The following FRMD3 variants were observed in gnomAD, a reference collection of about 807,000 sequenced individuals.
FRMD3 encodes FERM domain containing 3, also known as FERM domain-containing protein 3.
Under a neutral mutation model 70.2 loss-of-function variants are expected in FRMD3, and 33 were observed. The ratio of observed to expected loss-of-function variants is 0.47; its 90% CI spans 0.36 to 0.63. The LOEUF (loss-of-function observed/expected upper bound fraction) is 0.63. Ranked by LOEUF, FRMD3 falls within the 20% of genes least tolerant of loss-of-function variation. The pLI, the probability that FRMD3 is intolerant of heterozygous loss-of-function variation, is 0.00. For missense variants in FRMD3, 632 were observed against 711.4 expected (o/e 0.89, Z 1.27); for synonymous variants, 279 against 255.9 (o/e 1.09, Z -0.86).
chr9:83,446,291 C>T (rs1204505889), intron 1 of FRMD3, among the ~76,000 whole-genome samples: 1 of 152,224 alleles, frequency 6.6e-6, no homozygotes, highest in Non-Finnish European at 1.5e-5. Context: ...TCATACCACA[C>T]AGTCTGCCTT....
In FRMD3 at chr9:83,245,708, TAGTC is replaced by T; in HGVS notation, c.*2206_*2209del. On this transcript the variant is annotated 3_prime_UTR_variant, in exon 14 of 14. Coordinates refer to ENST00000304195, the MANE Select transcript of FRMD3 (RefSeq NM_174938.6). ...AGACTGAGGGCCAGATGATTTGTCATAGTCAGAACTTTAGAGAAAATTATATGAC... is the reference window on the plus strand; with the variant it reads ...AGACTGAGGGCCAGATGATTTGTCATAGAACTTTAGAGAAAATTATATGAC... 1 of 981,850 alleles carries T rather than the reference TAGTC, an allele frequency of 1.0e-6. No homozygotes were observed. Among genetic ancestry groups the T allele is most frequent in the East Asian group, 1.1e-4 (1 of 8,800 alleles). The allele number at this position is 981,850 out of a possible 1,614,324, so 60.8% of individuals were successfully genotyped here.
intron 1 of FRMD3, among the ~76,000 whole-genome samples, chr9:83,479,299 A>AAGAAGAAGG (rs1398527317): frequency 2.3e-3 from 338 of 147,414 alleles, no homozygotes; most frequent in African/African-American, 7.7e-3. Flanking sequence ...GAAGAAGAAG[A>AAGAAGAAGG]AGAAGGAGAA....
intron 3 of FRMD3, among the ~76,000 whole-genome samples, chr9:83,356,577 G>A (rs563768781): frequency 6.6e-6 from 1 of 151,476 alleles, no homozygotes; most frequent in African/African-American, 2.4e-5. Flanking sequence ...CGCCCGGCCA[G>A]CAGCTTTTTT....
At chr9:83,516,193 G>A (rs1043310853) in intron 1 of FRMD3, among the ~76,000 whole-genome samples, 2 of 151,788 alleles carry the variant, frequency 1.3e-5, no homozygotes, top group South Asian at 2.1e-4. Flanking sequence ...ATAGAGTCAC[G>A]ACCCATCAGT....
chr9:83,357,180 T>TTA (rs1294839697), intron 3 of FRMD3, among the ~76,000 whole-genome samples: 1 of 117,496 alleles, frequency 8.5e-6, no homozygotes, highest in Non-Finnish European at 1.8e-5. Context: ...ATATATTACA[T>TTA]TATATATATT....
At chr9:83,280,183 T>C (rs1833924611) in intron 13 of FRMD3, among the ~76,000 whole-genome samples, 1 of 152,178 alleles carries the variant, frequency 6.6e-6, no homozygotes, top group South Asian at 2.1e-4. Context: ...ATCTAGGTCA[T>C]ATCAATGTCC....
chr9:83,323,624 G>A (rs913514666), intron 6 of FRMD3, among the ~76,000 whole-genome samples: 20 of 152,236 alleles, frequency 1.3e-4, no homozygotes, highest in Non-Finnish European at 2.8e-4. Context: ...CTCACCAGAT[G>A]CAGTCCCCAG....
chr9:83,500,500 G>GCACA (rs377538475), intron 1 of FRMD3, among the ~76,000 whole-genome samples: 3,986 of 136,648 alleles, frequency 0.029, 107 homozygotes, highest in Middle Eastern at 0.054. Context: ...GCGTGTATGC[G>GCACA]CGCACACACA....
chr9:83,577,807 T>C, the FRMD3 span, among the ~76,000 whole-genome samples: 8 of 151,506 alleles, frequency 5.3e-5, no homozygotes, highest in African/African-American at 1.9e-4. Context: ...TGAGTCCAAA[T>C]TGGGCTGAAG....
intron 1 of FRMD3, among the ~76,000 whole-genome samples, chr9:83,492,032 A>G (rs541768825): frequency 6.6e-6 from 1 of 152,312 alleles, no homozygotes; most frequent in East Asian, 1.9e-4. Flanking sequence ...TAAAATATAC[A>G]ATCTAATTTT....
chr9:83,502,878 G>A (rs532086838), intron 1 of FRMD3, among the ~76,000 whole-genome samples: 7 of 152,266 alleles, frequency 4.6e-5, no homozygotes, highest in African/African-American at 1.7e-4. Context: ...GGGTTCCAGT[G>A]CACCATGTGG....
At chr9:83,253,725 G>C (rs1461529382) in intron 13 of FRMD3, among the ~76,000 whole-genome samples, 1 of 152,166 alleles carries the variant, frequency 6.6e-6, no homozygotes, top group South Asian at 2.1e-4. Flanking sequence ...CAAGGATCTA[G>C]AACTAGAAAT....
chr9:83,432,906 G>C (rs1210276642), intron 1 of FRMD3, among the ~76,000 whole-genome samples: 1 of 152,102 alleles, frequency 6.6e-6, no homozygotes, highest in East Asian at 1.9e-4. Flanking sequence ...CCCTCCTTCT[G>C]AGTCTCCAAT....
At chr9:83,506,675 C>T (rs1320529767) in intron 1 of FRMD3, among the ~76,000 whole-genome samples, 2 of 152,174 alleles carry the variant, frequency 1.3e-5, no homozygotes, top group Admixed American at 6.5e-5. Flanking sequence ...ACTTTATAAA[C>T]ACTGTACACT....
At chr9:83,535,195 G>A (rs796996779) in intron 1 of FRMD3, among the ~76,000 whole-genome samples, 3 of 152,296 alleles carry the variant, frequency 2.0e-5, no homozygotes, top group African/African-American at 7.2e-5. Context: ...GAGTGGAAAA[G>A]GCTGGCTCAT....
intron 1 of FRMD3, among the ~76,000 whole-genome samples, chr9:83,511,793 C>T (rs1276633185): frequency 1.3e-5 from 2 of 152,222 alleles, no homozygotes. Context: ...GATGAACCCA[C>T]TCCCAGGACC....
At chr9:83,320,191 T>C (rs1330842450) in intron 6 of FRMD3, among the ~76,000 whole-genome samples, 1 of 152,222 alleles carries the variant, frequency 6.6e-6, no homozygotes, top group Non-Finnish European at 1.5e-5. Context: ...CAGTACTATG[T>C]TGAAAAAGAG....
upstream of FRMD3, among the ~76,000 whole-genome samples, chr9:83,539,583 G>A (rs973744017): frequency 1.3e-5 from 2 of 152,180 alleles, no homozygotes; most frequent in Non-Finnish European, 2.9e-5. Flanking sequence ...CCTGGGGGTC[G>A]AGGAAGAGTG....
chr9:83,386,432 A>G (rs4145728), intron 2 of FRMD3, among the ~76,000 whole-genome samples: 56,955 of 152,000 alleles, frequency 0.37, 11,231 homozygotes, highest in Admixed American at 0.47. Context: ...CTACTACCCA[A>G]GTCTGGGCAT....
Sources: allele counts gnomAD v4.1 joint callset (sites outside exome capture counted in the v4.1 genomes callset), GRCh38; gene constraint gnomAD v4.1.1; transcripts MANE v1.5; gene names NCBI Gene and HGNC (gene_info 2026-07-23, HGNC 2026-07-21).